Variants in SNX29 observed in about 807,000 individuals in gnomAD.
SNX29 encodes the protein sorting nexin 29, also known as sorting nexin-29.
Under a neutral mutation model 102.1 loss-of-function variants are expected in SNX29, and 78 were observed. The observed-to-expected ratio is 0.76, with a 90% CI of 0.64 to 0.92. The LOEUF is 0.92. SNX29 is among the 40% of genes least tolerant of loss of function. The probability of loss-of-function intolerance (pLI) is 0.00; values close to 1 mark genes in which losing one functional copy is unlikely to be tolerated. For synonymous variants in SNX29, 580 were observed against 414.5 expected (o/e 1.40, Z -4.85); for missense variants, 1,280 against 1,061.7 (o/e 1.21, Z -2.86).
intron 19 of SNX29, among the ~76,000 whole-genome samples, chr16:12,480,168 C>T (rs1192385972): frequency 2.0e-5 from 3 of 152,162 alleles, no homozygotes; most frequent in African/African-American, 7.2e-5. Flanking sequence ...CACAAATCCC[C>T]ACAAATGCAG....
At chr16:12,359,209 C>G (rs772571092) in intron 16 of SNX29, among the ~76,000 whole-genome samples, 1 of 152,172 alleles carries the variant, frequency 6.6e-6, no homozygotes. Flanking sequence ...CAGCTGGTGT[C>G]CGCTGCAGAA....
intron 20 of SNX29, among the ~76,000 whole-genome samples, chr16:12,537,923 T>G (rs2077148545): frequency 6.6e-6 from 1 of 150,980 alleles, no homozygotes; most frequent in Non-Finnish European, 1.5e-5. Context: ...AGGCAGAGGT[T>G]GCAGTGAGCT....
At chr16:12,052,760 G>C (rs1190018922) in intron 8 of SNX29, 1 of 165,034 alleles carries the variant, frequency 6.1e-6, no homozygotes, top group Non-Finnish European at 1.3e-5. Context: ...TGAAATTCTT[G>C]CTTTATACAT....
chr16:12,134,481 G>T (rs1251250264), intron 13 of SNX29, among the ~76,000 whole-genome samples: 2 of 152,190 alleles, frequency 1.3e-5, no homozygotes, highest in African/African-American at 4.8e-5. Flanking sequence ...TCCTGTGGCT[G>T]TTGGCAGGAG....
chr16:12,241,842 C>T (rs1047300508), intron 14 of SNX29, among the ~76,000 whole-genome samples: 1 of 152,194 alleles, frequency 6.6e-6, no homozygotes, highest in Non-Finnish European at 1.5e-5. Context: ...AGACTGTTTT[C>T]TCTCTCCTTA....
intron 13 of SNX29, among the ~76,000 whole-genome samples, chr16:12,173,785 G>T (rs1032927291): frequency 3.3e-5 from 5 of 152,080 alleles, no homozygotes; most frequent in Admixed American, 2.0e-4. Context: ...CTGCCCCTCT[G>T]CTTCTTATTT....
intron 14 of SNX29, among the ~76,000 whole-genome samples, chr16:12,217,634 C>T (rs986935295): frequency 6.6e-6 from 1 of 152,168 alleles, no homozygotes; most frequent in African/African-American, 2.4e-5. Flanking sequence ...GTAAGATGGC[C>T]AGCTGCTTTT....
intron 20 of SNX29, among the ~76,000 whole-genome samples, chr16:12,564,968 G>T (rs981366212): frequency 2.6e-5 from 4 of 151,242 alleles, no homozygotes; most frequent in South Asian, 2.2e-4. Flanking sequence ...CATTGTAAAT[G>T]TGAGGCGTTT....
chr16:12,452,757 G>A (rs907695669), intron 18 of SNX29, among the ~76,000 whole-genome samples: 2 of 152,096 alleles, frequency 1.3e-5, no homozygotes, highest in African/African-American at 2.4e-5. Flanking sequence ...GAGAGGAGCC[G>A]GGTGGTGAAG....
intron 13 of SNX29, among the ~76,000 whole-genome samples, chr16:12,184,476 C>G (rs1201057587): frequency 2.0e-5 from 3 of 152,210 alleles, no homozygotes; most frequent in Non-Finnish European, 4.4e-5. Flanking sequence ...AGGTTCAGAT[C>G]TCCTAGAGCC....
chr16:12,533,592 G>A (rs947418583), intron 20 of SNX29, among the ~76,000 whole-genome samples: 1 of 152,144 alleles, frequency 6.6e-6, no homozygotes, highest in Non-Finnish European at 1.5e-5. Flanking sequence ...ATATTATTTG[G>A]AGGGAGGAGA....
At chr16:12,225,419 G>A (rs1010763471) in intron 14 of SNX29, among the ~76,000 whole-genome samples, 2 of 152,096 alleles carry the variant, frequency 1.3e-5, no homozygotes, top group African/African-American at 4.8e-5. Context: ...TTCTCATGAT[G>A]GTGAATAAGT....
rs1001377583 is a variant in SNX29 at position 12,572,837 on chromosome 16, C to G, written c.*4208C>G. ...TAGGAGGCATCCCAGAAGGGGCAGC[C>G]TCATGCCCAGGTTTCAGCCCTAAAG... On this transcript the variant is annotated 3_prime_UTR_variant, in exon 21 of 21. Coordinates refer to ENST00000566228, the MANE Select transcript of SNX29 (RefSeq NM_032167.5). The G allele has an allele frequency of 1.9e-6, 2 of 1,063,966 alleles. No individual in the cohort carries two copies. The highest frequency in any genetic ancestry group is 1.6e-5 in the African/African-American group (1 of 61,114). The allele number at this position is 1,063,966 out of a possible 1,614,324, so 65.9% of individuals were successfully genotyped here.
intron 13 of SNX29, among the ~76,000 whole-genome samples, chr16:12,194,310 C>G (rs539990403): frequency 1.3e-4 from 20 of 152,246 alleles, no homozygotes; most frequent in African/African-American, 4.8e-4. Context: ...TATAGAAATA[C>G]AGTTGATGTT....
intron 14 of SNX29, among the ~76,000 whole-genome samples, chr16:12,262,300 A>G (rs531862351): frequency 1.3e-5 from 2 of 152,342 alleles, no homozygotes; most frequent in Non-Finnish European, 1.5e-5. Context: ...CCCAGGCTCT[A>G]GGAAGTGAGG....
At chr16:12,217,984 G>A (rs1011901796) in intron 14 of SNX29, among the ~76,000 whole-genome samples, 13 of 152,132 alleles carry the variant, frequency 8.5e-5, no homozygotes, top group Non-Finnish European at 1.6e-4. Flanking sequence ...CCCATGACTT[G>A]TTATCACTTT....
At chr16:12,114,901 C>T (rs901528530) in intron 11 of SNX29, among the ~76,000 whole-genome samples, 46 of 152,152 alleles carry the variant, frequency 3.0e-4, no homozygotes, top group African/African-American at 1.1e-3. Context: ...TAAACACCTG[C>T]TTCGTGGCGT....
rs1011772269 is a variant in SNX29, at chr16:12,571,469, C to CT, written c.*2841dup. 1.2e-5 allele frequency: 3 copies of CT among 256,810 alleles called. No individual in the cohort carries two copies. The highest frequency in any genetic ancestry group is 1.6e-4 in the South Asian group (1 of 6,066). 15.9% of individuals were successfully genotyped at this position (256,810 alleles called of 1,614,324 possible). On this transcript the variant is annotated 3_prime_UTR_variant, in exon 21 of 21. Transcript: ENST00000566228. Reference sequence around the variant, plus strand: ...AACAACATCTGAGAACAGAAGCCCCCTCCCCTACTCAGAGAGGAACGAGGG... The same window carrying CT: ...AACAACATCTGAGAACAGAAGCCCCCTTCCCCTACTCAGAGAGGAACGAGGG...
chr16:12,019,825 C>T (rs967883475), intron 3 of SNX29, among the ~76,000 whole-genome samples: 7 of 151,658 alleles, frequency 4.6e-5, no homozygotes, highest in Non-Finnish European at 8.8e-5. Flanking sequence ...TTAGTAGAAA[C>T]GGGATTTCAC....
Sources: gnomAD v4.1 joint callset for allele counts (sites outside exome capture counted in the v4.1 genomes callset) on GRCh38, gnomAD v4.1.1 for gene constraint, MANE v1.5 for transcripts, NCBI Gene and HGNC (gene_info 2026-07-23, HGNC 2026-07-21) for gene names.